The following LINGO2 variants were observed in gnomAD, a reference collection of about 807,000 sequenced individuals.
LINGO2 encodes leucine rich repeat and Ig domain containing 2.
LINGO2 carries 14 observed loss-of-function variants against 30.6 expected under a neutral mutation model. That is an observed-to-expected ratio of 0.46 (90% CI 0.30 to 0.72). The LOEUF (loss-of-function observed/expected upper bound fraction) is 0.72, where lower values mean the gene tolerates loss of function less well. Ranked by LOEUF, LINGO2 falls within the 30% of genes least tolerant of loss-of-function variation. The pLI, the probability that LINGO2 is intolerant of heterozygous loss-of-function variation, is 0.07. For missense variants in LINGO2, 729 were observed against 751.7 expected, an observed-to-expected ratio of 0.97 and a Z score of 0.35; for synonymous variants, 317 against 288.5, an observed-to-expected ratio of 1.10 and a Z score of -1.00.
At chr9:27,981,515 G>C (rs747422274) in intron 5 of LINGO2, among the ~76,000 whole-genome samples, 1 of 87,672 alleles carries the variant, frequency 1.1e-5, no homozygotes, top group Non-Finnish European at 2.3e-5. Context: ...TGATATGAAA[G>C]GATAAATGAC....
chr9:28,744,871 G>A, the LINGO2 span, among the ~76,000 whole-genome samples: 8 of 151,780 alleles, frequency 5.3e-5, no homozygotes, highest in South Asian at 2.1e-4. Flanking sequence ...TCTTGACCTC[G>A]TGATCCACTC....
At chr9:28,429,798 A>G (rs1488185266) in intron 2 of LINGO2, among the ~76,000 whole-genome samples, 1 of 152,190 alleles carries the variant, frequency 6.6e-6, no homozygotes, top group Non-Finnish European at 1.5e-5. Flanking sequence ...TGGTGTTCCA[A>G]CAGACTTTGA....
chr9:28,188,154 T>C (rs558215878), intron 4 of LINGO2, among the ~76,000 whole-genome samples: 1 of 152,266 alleles, frequency 6.6e-6, no homozygotes, highest in Admixed American at 6.5e-5. Context: ...TCAAAACCTT[T>C]GTGTGGACTA....
rs34149445 is a variant in LINGO2, at chr9:27,993,344, T to C, written c.-36+19011A>G. ...GTTGGTTTCTCATGAACAATATCCA[T>C]ATGAATTCTCCTACGTGTTGAAATC... is the stretch of plus-strand genomic sequence containing the variant. On this transcript the variant is annotated intron_variant, in intron 5 of 5. Transcript: ENST00000379992. 7.8e-3 allele frequency among the ~76,000 whole-genome samples: 1,193 copies of C among 152,234 alleles called. 5 individuals carry two copies. The highest frequency in any genetic ancestry group is 0.013 in the Non-Finnish European group (889 of 68,004).
intron 3 of LINGO2, among the ~76,000 whole-genome samples, chr9:28,332,923 A>G (rs1825472300): frequency 6.6e-6 from 1 of 152,152 alleles, no homozygotes; most frequent in South Asian, 2.1e-4. Flanking sequence ...TGATGATTAA[A>G]TGTAATCAGA....
At chr9:28,859,269 G>C in the LINGO2 span, among the ~76,000 whole-genome samples, 105 of 152,112 alleles carry the variant, frequency 6.9e-4, 1 homozygote, top group African/African-American at 2.4e-3. Context: ...GGCTGTAAAA[G>C]TACAGGATCT....
chr9:28,494,532 A>G (rs1315478326), intron 1 of LINGO2, among the ~76,000 whole-genome samples: 1 of 151,962 alleles, frequency 6.6e-6, no homozygotes, highest in African/African-American at 2.4e-5. Flanking sequence ...CCATGTCCCT[A>G]CAAAGGACAT....
chr9:29,044,105 C>G, the LINGO2 span, among the ~76,000 whole-genome samples: 1 of 151,950 alleles, frequency 6.6e-6, no homozygotes, highest in Non-Finnish European at 1.5e-5. Flanking sequence ...TTCTATGCCT[C>G]AGTTTCCCCA....
chr9:28,476,407 C>G (rs959912066), intron 1 of LINGO2, among the ~76,000 whole-genome samples: 5 of 152,150 alleles, frequency 3.3e-5, no homozygotes, highest in Non-Finnish European at 4.4e-5. Context: ...TCCCGAGTAG[C>G]TGGGACTACA....
chr9:28,022,536 T>C (rs1823181701), intron 4 of LINGO2, among the ~76,000 whole-genome samples: 1 of 152,128 alleles, frequency 6.6e-6, no homozygotes, highest in African/African-American at 2.4e-5. Flanking sequence ...GAAAAACTAA[T>C]TCTCTTTTGA....
At chr9:28,650,234 G>A (rs948475503) in intron 1 of LINGO2, among the ~76,000 whole-genome samples, 3 of 152,086 alleles carry the variant, frequency 2.0e-5, no homozygotes, top group African/African-American at 7.2e-5. Flanking sequence ...AAATTGACAT[G>A]CCTGGAGTTT....
chr9:28,018,852 G>T (rs184106606), intron 4 of LINGO2, among the ~76,000 whole-genome samples: 216 of 152,244 alleles, frequency 1.4e-3, no homozygotes, highest in Non-Finnish European at 2.5e-4. Context: ...TATACGCAAA[G>T]AAATACAAAT....
At chr9:28,737,986 T>C in the LINGO2 span, among the ~76,000 whole-genome samples, 3 of 152,146 alleles carry the variant, frequency 2.0e-5, no homozygotes, top group African/African-American at 7.2e-5. Flanking sequence ...TTTGTTTTTT[T>C]CTGGCATTCC....
intron 4 of LINGO2, among the ~76,000 whole-genome samples, chr9:28,090,679 A>G (rs370170128): frequency 1.9e-4 from 29 of 152,210 alleles, no homozygotes; most frequent in South Asian, 6.2e-4. Flanking sequence ...TTCTGTCACC[A>G]CTCCTATTCA....
At chr9:28,138,698 A>C (rs1425427144) in intron 4 of LINGO2, among the ~76,000 whole-genome samples, 2 of 152,178 alleles carry the variant, frequency 1.3e-5, no homozygotes, top group African/African-American at 4.8e-5. Flanking sequence ...ACATCATATA[A>C]AACCTTACTA....
chr9:28,677,239 C>CA, the LINGO2 span, among the ~76,000 whole-genome samples: 8 of 152,196 alleles, frequency 5.3e-5, no homozygotes, highest in Admixed American at 3.9e-4. Flanking sequence ...AGAACTGCTA[C>CA]ACTATCTCTG....
intron 4 of LINGO2, among the ~76,000 whole-genome samples, chr9:28,189,854 T>A (rs1819754624): frequency 6.6e-6 from 1 of 152,032 alleles, no homozygotes; most frequent in South Asian, 2.1e-4. Flanking sequence ...ACTGCACATG[T>A]GCGTGTGCAA....
chr9:28,601,506 A>G lies in LINGO2; in HGVS notation c.-365+68694T>C, dbSNP rs181491297. On this transcript the variant is annotated intron_variant, in intron 1 of 5. Transcript: ENST00000379992. ...GAGGTATCAGGGTGAATAGGACTTGATGGGTTTTGCTCTGTAATCAGAGTG... is the reference window on the plus strand; with the variant it reads ...GAGGTATCAGGGTGAATAGGACTTGGTGGGTTTTGCTCTGTAATCAGAGTG... Among the ~76,000 whole-genome samples the G allele has an allele frequency of 1.5e-3, 223 of 152,140 alleles. 1 individual carries two copies. The highest frequency in any genetic ancestry group is 5.1e-3 in the African/African-American group (213 of 41,532).
At chr9:28,896,974 T>A in the LINGO2 span, among the ~76,000 whole-genome samples, 1 of 152,108 alleles carries the variant, frequency 6.6e-6, no homozygotes, top group Admixed American at 6.6e-5. Context: ...AAACTTCAAA[T>A]CACTAATACG....
Sources: gnomAD v4.1 joint callset for allele counts (sites outside exome capture counted in the v4.1 genomes callset) on GRCh38, gnomAD v4.1.1 for gene constraint, MANE v1.5 for transcripts, NCBI Gene and HGNC (gene_info 2026-07-23, HGNC 2026-07-21) for gene names.